SEMA6D: variants seen among roughly 807,000 people sequenced by gnomAD.
SEMA6D encodes semaphorin 6D.
In SEMA6D, 35 loss-of-function variants were observed where a neutral mutation model predicts 106.6. The observed-to-expected ratio is 0.33, with a 90% confidence interval of 0.25 to 0.44. The LOEUF (loss-of-function observed/expected upper bound fraction) is 0.44, where lower values mean the gene tolerates loss of function less well. SEMA6D is among the 20% of genes least tolerant of loss of function. SEMA6D has a pLI of 1.00. For missense variants in SEMA6D, 1,185 were observed against 1,345.9 expected, an observed-to-expected ratio of 0.88 and a Z score of 1.87; for synonymous variants, 499 against 487.7, an observed-to-expected ratio of 1.02 and a Z score of -0.31.
At chr15:47,203,443 C>T (rs1894850224) in intron 1 of SEMA6D, among the ~76,000 whole-genome samples, 1 of 152,162 alleles carries the variant, frequency 6.6e-6, no homozygotes, top group African/African-American at 2.4e-5. Context: ...ATCTGTTCTT[C>T]TGAGGGCAGC....
At chr15:47,253,171 A>G (rs922890872) in intron 1 of SEMA6D, among the ~76,000 whole-genome samples, 2 of 152,076 alleles carry the variant, frequency 1.3e-5, no homozygotes, top group Non-Finnish European at 2.9e-5. Flanking sequence ...TTACCTAATG[A>G]TTAGTGATTT....
At chr15:47,408,101 T>C (rs2040657597) in intron 1 of SEMA6D, among the ~76,000 whole-genome samples, 1 of 152,164 alleles carries the variant, frequency 6.6e-6, no homozygotes, top group South Asian at 2.1e-4. Context: ...TTTCAGCGTT[T>C]TCTCCTCCCA....
At chr15:47,435,630 A>G (rs78103590) in intron 2 of SEMA6D, among the ~76,000 whole-genome samples, 4,981 of 152,124 alleles carry the variant, frequency 0.033, 285 homozygotes, top group African/African-American at 0.11. Flanking sequence ...GAGAGATGCA[A>G]GATGCATACT....
intron 1 of SEMA6D, among the ~76,000 whole-genome samples, chr15:47,217,410 C>G (rs750494868): frequency 4.5e-4 from 69 of 152,048 alleles, no homozygotes; most frequent in Non-Finnish European, 7.6e-4. Flanking sequence ...AACTGGAAAA[C>G]AAAACAGTTC....
chr15:47,646,505 A>G (rs1179405212), intron 4 of SEMA6D, among the ~76,000 whole-genome samples: 3 of 152,182 alleles, frequency 2.0e-5, no homozygotes, highest in Admixed American at 6.5e-5. Context: ...AAATCTCCTG[A>G]TGGCATTTTC....
intron 2 of SEMA6D, among the ~76,000 whole-genome samples, chr15:47,451,048 A>T (rs7176570): frequency 6.6e-6 from 1 of 151,902 alleles, no homozygotes; most frequent in African/African-American, 2.4e-5. Context: ...AACTCAAAAA[A>T]CAAAAAATCA....
chr15:47,575,633 C>A (rs1257701008), intron 3 of SEMA6D, among the ~76,000 whole-genome samples: 1 of 152,168 alleles, frequency 6.6e-6, no homozygotes, highest in East Asian at 1.9e-4. Flanking sequence ...GCAGGAGAAT[C>A]GCTTCAACCC....
At chr15:47,582,873 CT>C (rs2076278003) in intron 3 of SEMA6D, among the ~76,000 whole-genome samples, 1 of 151,992 alleles carries the variant, frequency 6.6e-6, no homozygotes, top group East Asian at 1.9e-4. Context: ...AATCCAGAAT[CT>C]TTCACGTAGA....
At chr15:47,248,555 C>T (rs1462575532) in intron 1 of SEMA6D, among the ~76,000 whole-genome samples, 14 of 152,080 alleles carry the variant, frequency 9.2e-5, no homozygotes. Context: ...CTATGATTTG[C>T]CTAAGACAAC....
intron 1 of SEMA6D, among the ~76,000 whole-genome samples, chr15:47,383,988 G>T (rs556341669): frequency 4.6e-5 from 7 of 152,128 alleles, no homozygotes; most frequent in Non-Finnish European, 1.0e-4. Flanking sequence ...GTTTTTCCAC[G>T]ATCTCATTTA....
chr15:47,293,996 C>T (rs1023219429), intron 1 of SEMA6D, among the ~76,000 whole-genome samples: 1 of 152,056 alleles, frequency 6.6e-6, no homozygotes, highest in African/African-American at 2.4e-5. Context: ...TGCTTGCCGG[C>T]CAAATGCAGA....
intron 3 of SEMA6D, among the ~76,000 whole-genome samples, chr15:47,551,838 A>G (rs559033701): frequency 2.0e-5 from 3 of 152,314 alleles, no homozygotes; most frequent in South Asian, 4.1e-4. Context: ...CTGAAACCAT[A>G]CAAATAAACA....
At chr15:47,431,148 T>C (rs940420408) in intron 2 of SEMA6D, among the ~76,000 whole-genome samples, 1 of 152,190 alleles carries the variant, frequency 6.6e-6, no homozygotes, top group East Asian at 1.9e-4. Context: ...GGGCTCATGG[T>C]CTCATTTTTG....
chr15:47,289,782 G>T (rs1358091621), intron 1 of SEMA6D, among the ~76,000 whole-genome samples: 1 of 151,954 alleles, frequency 6.6e-6, no homozygotes, highest in Admixed American at 6.6e-5. Flanking sequence ...AGACACTAAA[G>T]ATCAGAGAGG....
intron 1 of SEMA6D, among the ~76,000 whole-genome samples, chr15:47,214,609 G>A (rs1009927433): frequency 5.9e-5 from 9 of 152,078 alleles, no homozygotes; most frequent in African/African-American, 2.2e-4. Flanking sequence ...CTTTACTTAT[G>A]GGCAGAAGAA....
At chr15:47,550,294 A>G (rs181145525) in intron 3 of SEMA6D, among the ~76,000 whole-genome samples, 2 of 152,324 alleles carry the variant, frequency 1.3e-5, no homozygotes, top group East Asian at 1.9e-4. Context: ...ATAAAATAAA[A>G]CAAAACTCAA....
At chr15:47,477,594 T>C (rs1317468439) in intron 3 of SEMA6D, among the ~76,000 whole-genome samples, 1 of 152,202 alleles carries the variant, frequency 6.6e-6, no homozygotes, top group Non-Finnish European at 1.5e-5. Context: ...TATTTAATGT[T>C]TTAATAAGCA....
chr15:47,651,326 C>T (rs2077686109), intron 4 of SEMA6D, among the ~76,000 whole-genome samples: 1 of 152,070 alleles, frequency 6.6e-6, no homozygotes, highest in South Asian at 2.1e-4. Context: ...ATCACTTGAG[C>T]CCAGGAATTG....
At chr15:47,560,057 T>C (rs2046032106) in intron 3 of SEMA6D, among the ~76,000 whole-genome samples, 1 of 152,138 alleles carries the variant, frequency 6.6e-6, no homozygotes, top group Admixed American at 6.6e-5. Context: ...ATATAGTCTA[T>C]GTAAATTACT....
Sources: allele counts gnomAD v4.1 joint callset (sites outside exome capture counted in the v4.1 genomes callset), GRCh38; gene constraint gnomAD v4.1.1; transcripts MANE v1.5; gene names NCBI Gene and HGNC (gene_info 2026-07-23, HGNC 2026-07-21).